The following GOLGA4 variants were observed in gnomAD, a reference collection of about 807,000 sequenced individuals.
The protein encoded by GOLGA4 is golgin subfamily A member 4.
GOLGA4 carries 169 observed loss-of-function variants against 265.9 expected under a neutral mutation model. The observed-to-expected ratio is 0.64, with a 90% CI of 0.56 to 0.72. The LOEUF is 0.72. Among genes scored for constraint, GOLGA4 ranks in the 30% least tolerant of loss-of-function variants. GOLGA4 has a pLI of 0.00. For synonymous variants in GOLGA4, 923 were observed against 855.8 expected (o/e 1.08, Z -1.37); for missense variants, 2,482 against 2,483.4 (o/e 1.00, Z 0.01).
intron 2 of GOLGA4, among the ~76,000 whole-genome samples, chr3:37,256,745 A>C (rs1578362399): frequency 6.6e-6 from 1 of 152,058 alleles, no homozygotes; most frequent in Non-Finnish European, 1.5e-5. Context: ...GCTTTAGAGC[A>C]ACATGTGATG....
At chr3:37,350,859 A>G (rs997898584) in intron 21 of GOLGA4, among the ~76,000 whole-genome samples, 8 of 152,130 alleles carry the variant, frequency 5.3e-5, no homozygotes, top group African/African-American at 1.7e-4. Flanking sequence ...AAAAAATGCT[A>G]ACATTCATCT....
At chr3:37,282,746 A>G (rs143792894) in intron 3 of GOLGA4, among the ~76,000 whole-genome samples, 1 of 152,298 alleles carries the variant, frequency 6.6e-6, no homozygotes, top group East Asian at 1.9e-4. Flanking sequence ...CATTGTACCT[A>G]CATTTAAACC....
chr3:37,324,302 T>C lies in GOLGA4; in HGVS notation c.2416T>C (p.Tyr806His), dbSNP rs756304043. 6.2e-7 allele frequency: 1 copy of C among 1,614,200 alleles called. No homozygotes were observed. Among genetic ancestry groups the C allele is most frequent in the South Asian group, 1.1e-5 (1 of 91,078 alleles). Residue 806 changes from tyrosine to histidine, a missense_variant, in exon 14 of 24, where the codon TAC (tyrosine) becomes CAC (histidine). Physicochemically the swap from Tyr to His is moderately conservative, Grantham distance 83. Coordinates refer to ENST00000361924, the MANE Select transcript of GOLGA4 (RefSeq NM_002078.5). ...TGCTAAGCTGGACGTTTTTCAGTCTTACCAGAGTGCCACACATGAGCAGAC... is the reference window on the plus strand; with the variant it reads ...TGCTAAGCTGGACGTTTTTCAGTCTCACCAGAGTGCCACACATGAGCAGAC... Reference protein sequence around the residue: ...ASAKLDVFQSYQSATHEQTKA... With the variant: ...ASAKLDVFQSHQSATHEQTKA...
intron 20 of GOLGA4, among the ~76,000 whole-genome samples, chr3:37,344,545 C>T (rs193233484): frequency 7.7e-6 from 1 of 130,110 alleles, no homozygotes; most frequent in South Asian, 2.4e-4. Flanking sequence ...GTTGCCCAGT[C>T]TAGTCTTGAA....
chr3:37,273,855 A>G (rs1203848512), intron 2 of GOLGA4, among the ~76,000 whole-genome samples: 2 of 152,178 alleles, frequency 1.3e-5, no homozygotes, highest in Admixed American at 1.3e-4. Flanking sequence ...TAATCCCAGC[A>G]CTTTGGGAGG....
intron 21 of GOLGA4, among the ~76,000 whole-genome samples, chr3:37,354,045 T>G (rs1223083941): frequency 2.6e-5 from 4 of 152,106 alleles, no homozygotes; most frequent in Admixed American, 2.0e-4. Flanking sequence ...GTGAAGTGTC[T>G]TGCCTAGACT....
rs768705460 is a variant in GOLGA4 at position 37,323,630 on chromosome 3, G to GA, written c.1748dup (p.Asn583LysfsTer15). Reference sequence around the variant, plus strand: ...AAGTTCTTTGGAAAAAAGCTTACAAGAAAACAAAAATCAGTCAAAAGATTT... The same window carrying GA: ...AAGTTCTTTGGAAAAAAGCTTACAAGAAAAACAAAAATCAGTCAAAAGATTT... On this transcript the variant is annotated frameshift_variant, in exon 14 of 24. Transcript: ENST00000361924. LOFTEE classifies it high-confidence loss of function. The GA allele has an allele frequency of 1.9e-6, 3 of 1,577,950 alleles. No homozygotes were observed. The African/African-American group carries it at 4.1e-5, about 22-fold the overall frequency.
chr3:37,290,143 A>C (rs190852752), intron 5 of GOLGA4, among the ~76,000 whole-genome samples: 34 of 152,324 alleles, frequency 2.2e-4, no homozygotes, highest in African/African-American at 7.9e-4. Context: ...ATAGCCTTAA[A>C]AGGGTCAGGT....
At chr3:37,296,313 G>T in intron 7 of GOLGA4, 94 bp downstream of exon 7, 1 of 1,228,230 alleles carries the variant, frequency 8.1e-7, no homozygotes, top group Non-Finnish European at 1.2e-6. Context: ...TGGGAGGCCA[G>T]TGTGGGAGGA....
chr3:37,343,512 G>C (rs1355108176), intron 20 of GOLGA4, among the ~76,000 whole-genome samples: 2 of 151,438 alleles, frequency 1.3e-5, no homozygotes, highest in Non-Finnish European at 2.9e-5. Context: ...TGCTGCGCGC[G>C]GCCTGGCCAG....
intron 10 of GOLGA4, among the ~76,000 whole-genome samples, chr3:37,303,735 A>G (rs6550470): frequency 0.41 from 62,863 of 151,996 alleles, 13,555 homozygotes; most frequent in Non-Finnish European, 0.45. Context: ...TAATAGTCAT[A>G]GTGGTAACAG....
In GOLGA4 at chr3:37,282,049, T is replaced by C. The variant is rs1352102164; in HGVS notation, c.254T>C (p.Phe85Ser). The change falls in exon 3 of 24, where the codon TTC becomes TCC. Residue 85 changes from phenylalanine (F) to serine (S), a missense_variant. Phe to Ser is a radical substitution (Grantham distance 155). Transcript: ENST00000361924. The part of the protein sequence containing the change: ...LFRSPIKESL[F>S]RSSSKESLVR... ...CGAAGTCCGATAAAGGAATCTCTAT[T>C]CCGGTCTTCTTCTAAAGAGTCTTTG... The C allele has an allele frequency of 1.9e-6, 3 of 1,613,892 alleles. No individual in the cohort carries two copies. The highest frequency in any genetic ancestry group is 1.3e-5 in the African/African-American group (1 of 74,922).
At position 37,327,260 on chromosome 3, in the gene GOLGA4, A is replaced by C. The variant is rs1396415684; in HGVS notation, c.5374A>C (p.Ser1792Arg). Residue 1792 changes from serine to arginine, a missense_variant, in exon 14 of 24, where the codon AGT becomes CGT. By Grantham distance (110) the Ser-to-Arg change is moderately radical. Around this residue, in one of 3 missense-constraint regions of GOLGA4, gnomAD observed 942 missense variants for 983.1 expected, o/e 0.96. Coordinates refer to ENST00000361924, the MANE Select transcript of GOLGA4 (RefSeq NM_002078.5). ...HAEAKQHEDQ[S>R]MIGHLQEELE... ...TGAGGCAAAGCAACATGAAGATCAA[A>C]GTATGATAGGTCATCTTCAAGAGGA... The C allele has an allele frequency of 1.2e-6, 2 of 1,613,636 alleles. No homozygotes were observed. The highest frequency in any genetic ancestry group is 4.5e-5 in the East Asian group (2 of 44,890).
At chr3:37,347,941 C>T (rs1578829976) in intron 21 of GOLGA4, among the ~76,000 whole-genome samples, 1 of 152,108 alleles carries the variant, frequency 6.6e-6, no homozygotes, top group East Asian at 1.9e-4. Flanking sequence ...TTAAATGCTT[C>T]TAGGGAAATT....
At chr3:37,295,133 G>A in intron 6 of GOLGA4, 56 bp downstream of exon 6, 1 of 991,536 alleles carries the variant, frequency 1.0e-6, no homozygotes, top group South Asian at 1.6e-5. Context: ...AATAGAGGGG[G>A]TTTGATTTGG....
At chr3:37,309,683 C>G (rs568117868) in intron 10 of GOLGA4, among the ~76,000 whole-genome samples, 1 of 152,314 alleles carries the variant, frequency 6.6e-6, no homozygotes, top group Admixed American at 6.5e-5. Context: ...GAAGAATGGC[C>G]TTGTTTTACA....
chr3:37,290,983 C>T (rs893153058), intron 5 of GOLGA4, among the ~76,000 whole-genome samples: 3 of 151,978 alleles, frequency 2.0e-5, no homozygotes, highest in African/African-American at 7.3e-5. Context: ...TTCTTTTTTA[C>T]TTGTCTTGTG....
intron 10 of GOLGA4, among the ~76,000 whole-genome samples, chr3:37,304,837 G>A (rs1401189566): frequency 6.6e-6 from 1 of 151,938 alleles, no homozygotes; most frequent in East Asian, 1.9e-4. Context: ...GGTATATTTT[G>A]TCTTTCAGTG....
chr3:37,337,664 A>G lies in GOLGA4; in HGVS notation c.6328-2A>G. The stretch of plus-strand genomic sequence containing the variant: ...TTCAGATCTGACTTTTTGTTCTTTC[A>G]GACACAGCTAGCACAGAAGACGACT... On this transcript the variant is annotated splice_acceptor_variant, in intron 18 of 23. Transcript: ENST00000361924. LOFTEE classifies it high-confidence loss of function. 1 of 1,604,976 alleles carries G rather than the reference A, an allele frequency of 6.2e-7. No homozygotes were observed. Among genetic ancestry groups the G allele is most frequent in the Non-Finnish European group, 8.5e-7 (1 of 1,171,632 alleles).
Sources: allele counts gnomAD v4.1 joint callset (sites outside exome capture counted in the v4.1 genomes callset), GRCh38; gene constraint gnomAD v4.1.1; regional missense constraint gnomAD v4.1.1; transcripts MANE v1.5; gene names NCBI Gene and HGNC (gene_info 2026-07-23, HGNC 2026-07-21).